Variants in CENPC observed in about 807,000 individuals in gnomAD.
The protein encoded by CENPC is centromere protein C, also known as CENP-C 1.
Under a neutral mutation model 112.1 loss-of-function variants are expected in CENPC, and 63 were observed. The observed-to-expected ratio is 0.56, with a 90% CI of 0.46 to 0.69. CENPC has a LOEUF of 0.69. Among genes scored for constraint, CENPC ranks in the 30% least tolerant of loss-of-function variants. The probability of loss-of-function intolerance (pLI) is 0.00; values close to 1 mark genes in which losing one functional copy is unlikely to be tolerated. For missense variants in CENPC, 1,000 were observed against 1,103.8 expected (o/e 0.91, Z 1.33); for synonymous variants, 333 against 367.6 (o/e 0.91, Z 1.08).
At chr4:67,496,077 AG>A (rs934206653) in intron 12 of CENPC, among the ~76,000 whole-genome samples, 15 of 152,166 alleles carry the variant, frequency 9.9e-5, no homozygotes, top group African/African-American at 3.6e-4. Flanking sequence ...ATCTCACTCT[AG>A]GGGAAGACAG....
intron 5 of CENPC, among the ~76,000 whole-genome samples, chr4:67,521,708 C>CA (rs1261521311): frequency 6.6e-6 from 1 of 152,024 alleles, no homozygotes; most frequent in Non-Finnish European, 1.5e-5. Context: ...TCACAATAGC[C>CA]AAAAAGCGAA....
At chr4:67,473,235 T>G (rs1724717999) in intron 18 of CENPC, among the ~76,000 whole-genome samples, 1 of 151,982 alleles carries the variant, frequency 6.6e-6, no homozygotes, top group South Asian at 2.1e-4. Context: ...CCGGCCAAAA[T>G]CTCAAAATTT....
At position 67,495,105 on chromosome 4, in the gene CENPC, GA is replaced by G; in HGVS notation, c.2185+53del. 2.2e-6 allele frequency: 3 copies of G among 1,385,000 alleles called. 1 individual carries two copies. The South Asian group carries it at 4.2e-5, about 20-fold the overall frequency. 85.8% of individuals were successfully genotyped at this position (1,385,000 alleles called of 1,614,324 possible). A position where few individuals can be genotyped will look rare whatever the true frequency, so the allele number is the denominator to read the frequency against. ...AAGAAATAAGTTATATTTAGAAACA[GA>G]AACTTAAGGTATTTTTCTCAATGAA... On this transcript the variant is annotated intron_variant, in intron 13 of 18. Coordinates refer to ENST00000273853, the MANE Select transcript of CENPC (RefSeq NM_001812.4).
intron 17 of CENPC, among the ~76,000 whole-genome samples, chr4:67,481,424 C>A (rs1724953930): frequency 6.6e-6 from 1 of 151,922 alleles, no homozygotes; most frequent in African/African-American, 2.4e-5. Context: ...ATTATGGAAC[C>A]AAAAAAGGGC....
intron 16 of CENPC, among the ~76,000 whole-genome samples, chr4:67,491,798 C>T (rs1305489663): frequency 6.6e-6 from 1 of 152,054 alleles, no homozygotes; most frequent in Admixed American, 6.6e-5. Context: ...ACCCACAATC[C>T]CTGCCTGGCT....
intron 2 of CENPC, among the ~76,000 whole-genome samples, chr4:67,543,115 T>A (rs1726933359): frequency 6.6e-6 from 1 of 152,178 alleles, no homozygotes; most frequent in Admixed American, 6.5e-5. Flanking sequence ...CAGATAGCCC[T>A]TATTCCACAG....
At chr4:67,518,063 T>C in intron 7 of CENPC, 93 bp downstream of exon 7, 1 of 670,334 alleles carries the variant, frequency 1.5e-6, no homozygotes, top group South Asian at 4.0e-5. Context: ...TTAAATTACT[T>C]ATTTCTAAGT....
chr4:67,496,451 C>T (rs141876626), intron 12 of CENPC, among the ~76,000 whole-genome samples: 185 of 152,270 alleles, frequency 1.2e-3, no homozygotes, highest in African/African-American at 4.3e-3. Flanking sequence ...ACACAATGTC[C>T]ATGAACCACC....
chr4:67,526,316 C>G (rs1041620230), intron 5 of CENPC, among the ~76,000 whole-genome samples: 3 of 151,424 alleles, frequency 2.0e-5, no homozygotes, highest in African/African-American at 7.3e-5. Context: ...GCACATGTAT[C>G]CCAGAACTTA....
rs1421631495 is a variant in CENPC, at chr4:67,518,329, T to G, written c.657A>C (p.Glu219Asp). ...CTTCATCTGATACTTTATTATCTAT[T>G]TCTATTTTCTTTAACATAACTTTAT... Reference protein sequence around the residue: ...FDDKVMLKKIEIDNKVSDEED... With the variant: ...FDDKVMLKKIDIDNKVSDEED... The change falls in exon 7 of 19, where the codon GAA (glutamate) becomes GAC (aspartate). Residue 219 changes from glutamate (E) to aspartate (D), a missense_variant. Physicochemically the swap from Glu to Asp is conservative, Grantham distance 45 (BLOSUM62 2). Transcript: ENST00000273853. 2.6e-6 allele frequency: 4 copies of G among 1,534,472 alleles called. No individual in the cohort carries two copies. The highest frequency in any genetic ancestry group is 3.5e-6 in the Non-Finnish European group (4 of 1,143,586).
Position 67,488,120 on chromosome 4 carries a change from T to A in CENPC, c.2670+1847A>T, listed in dbSNP as rs185290389. On this transcript the variant is annotated intron_variant, in intron 17 of 18. Transcript: ENST00000273853. ...CTCTTCAAGATTTTATTTACATTTTTAAATTCTAGTTAGAAAAATAGATAC... is the reference window on the plus strand; with the variant it reads ...CTCTTCAAGATTTTATTTACATTTTAAAATTCTAGTTAGAAAAATAGATAC... Among the ~76,000 whole-genome samples, 159 of 151,910 alleles carry A rather than the reference T, an allele frequency of 1.0e-3. 6 individuals are homozygous for A. The highest frequency in any genetic ancestry group is 3.5e-3 in the African/African-American group (145 of 41,294).
At position 67,470,376 on chromosome 4, in the gene CENPC, G is replaced by C. The variant is rs953298837; in HGVS notation, c.*2229C>G. On this transcript the variant is annotated 3_prime_UTR_variant, in exon 19 of 19. Transcript: ENST00000273853. ...ACCCTGAGGTCAGGAATTCGAGACA[G>C]CCCTGGCCAACATGGTGAAAATCTG... The C allele has an allele frequency of 8.6e-5, 13 of 152,004 alleles. No homozygotes were observed. The highest frequency in any genetic ancestry group is 2.9e-4 in the African/African-American group (12 of 41,348). The allele number at this position is 152,004 out of a possible 1,614,324, so 9.4% of individuals were successfully genotyped here.
intron 16 of CENPC, 141 bp downstream of exon 16, chr4:67,492,039 C>T (rs1198483882): frequency 7.2e-6 from 4 of 555,834 alleles, no homozygotes; most frequent in African/African-American, 5.8e-5. Context: ...ATAGGTTGCT[C>T]GTTGGAATTA....
chr4:67,521,068 A>G (rs1726214666), intron 5 of CENPC, among the ~76,000 whole-genome samples: 2 of 151,746 alleles, frequency 1.3e-5, no homozygotes, highest in Non-Finnish European at 2.9e-5. Context: ...ACAGGAAAGA[A>G]CCTATACATT....
chr4:67,518,352 T>C lies in CENPC; in HGVS notation c.634A>G (p.Lys212Glu), dbSNP rs1452396030. 1.3e-6 allele frequency: 2 copies of C among 1,527,616 alleles called. No individual in the cohort carries two copies. Among genetic ancestry groups the C allele is most frequent in the Admixed American group, 4.4e-5 (2 of 45,108 alleles). The allele number at this position is 1,527,616 out of a possible 1,614,324, so 94.6% of individuals were successfully genotyped here. A position where few individuals can be genotyped will look rare whatever the true frequency, so the allele number is the denominator to read the frequency against. The change falls in exon 7 of 19, where the codon AAA (lysine) becomes GAA (glutamate). Residue 212 changes from lysine (K) to glutamate (E), a missense_variant. Transcript: ENST00000273853. ...ATTTCTATTTTCTTTAACATAACTT[T>C]ATCATCAAAGTTTAACCTAAAAGGT... ...KTKKRLNFDD[K>E]VMLKKIEIDN...
chr4:67,543,706 T>C (rs1330797459), intron 2 of CENPC, among the ~76,000 whole-genome samples: 1 of 152,188 alleles, frequency 6.6e-6, no homozygotes, highest in East Asian at 1.9e-4. Context: ...TTTCATCCTA[T>C]TACTAGTAAA....
intron 4 of CENPC, among the ~76,000 whole-genome samples, chr4:67,538,984 CT>C (rs1726806847): frequency 6.6e-6 from 1 of 152,118 alleles, no homozygotes; most frequent in South Asian, 2.1e-4. Context: ...TGCATTCTAC[CT>C]AGAAGAGGAA....
chr4:67,492,781 T>C, intron 15 of CENPC, 88 bp downstream of exon 15: 3 of 1,395,792 alleles, frequency 2.1e-6, no homozygotes, highest in Non-Finnish European at 2.8e-6. Context: ...TTTTTGGAAG[T>C]AAATTTCATA....
At chr4:67,541,390 T>C (rs1726885664) in intron 2 of CENPC, among the ~76,000 whole-genome samples, 1 of 152,232 alleles carries the variant, frequency 6.6e-6, no homozygotes, top group African/African-American at 2.4e-5. Flanking sequence ...TAACAGACTT[T>C]ACAGTCACAT....
Sources: allele counts gnomAD v4.1 joint callset (sites outside exome capture counted in the v4.1 genomes callset), GRCh38; gene constraint gnomAD v4.1.1; transcripts MANE v1.5; gene names NCBI Gene and HGNC (gene_info 2026-07-23, HGNC 2026-07-21).